The following FBXO16 variants were observed in gnomAD, a reference collection of about 807,000 sequenced individuals.
FBXO16 encodes F-box only protein 16.
Under a neutral mutation model 41.0 loss-of-function variants are expected in FBXO16, and 31 were observed. The ratio of observed to expected loss-of-function variants is 0.76; its 90% CI spans 0.57 to 1.02. The LOEUF (loss-of-function observed/expected upper bound fraction) is 1.02, where lower values mean the gene tolerates loss of function less well. Ranked by LOEUF, FBXO16 falls within the 50% of genes least tolerant of loss-of-function variation. The pLI, the probability that FBXO16 is intolerant of heterozygous loss-of-function variation, is 0.00. For missense variants in FBXO16, 361 were observed against 346.2 expected, an observed-to-expected ratio of 1.04 and a Z score of -0.34; for synonymous variants, 133 against 117.8, an observed-to-expected ratio of 1.13 and a Z score of -0.84.
chr8:28,438,513 C>T (rs1802717815), intron 7 of FBXO16, among the ~76,000 whole-genome samples: 1 of 152,124 alleles, frequency 6.6e-6, no homozygotes, highest in African/African-American at 2.4e-5. Context: ...CACAGCTCAC[C>T]ATCAGATTTC....
chr8:28,429,476 G>A, intron 7 of FBXO16, 73 bp from the exon 8 acceptor site: 1 of 1,550,394 alleles, frequency 6.4e-7, no homozygotes, highest in Non-Finnish European at 8.9e-7. Flanking sequence ...AGCTTGAAGG[G>A]AGAGAGAGTG....
At chr8:28,441,518 C>T (rs1198057206) in intron 7 of FBXO16, among the ~76,000 whole-genome samples, 1 of 152,058 alleles carries the variant, frequency 6.6e-6, no homozygotes. Flanking sequence ...GGTGGATCAC[C>T]TGAGGTCAGG....
chr8:28,481,219 C>T (rs922465786), intron 2 of FBXO16, among the ~76,000 whole-genome samples: 12 of 152,180 alleles, frequency 7.9e-5, no homozygotes, highest in African/African-American at 2.4e-4. Context: ...ATAATAGAAT[C>T]GGAATCTTAG....
chr8:28,464,411 T>A (rs1203793705), intron 3 of FBXO16, among the ~76,000 whole-genome samples: 3 of 152,146 alleles, frequency 2.0e-5, no homozygotes, highest in Non-Finnish European at 2.9e-5. Flanking sequence ...ACTTCACAGT[T>A]TTCCTCAGAG....
chr8:28,483,089 G>C (rs1262208666), intron 2 of FBXO16, among the ~76,000 whole-genome samples: 1 of 152,142 alleles, frequency 6.6e-6, no homozygotes, highest in Admixed American at 6.5e-5. Flanking sequence ...AATGGCGAGT[G>C]GGGTGGGAGA....
At chr8:28,452,534 C>T in intron 5 of FBXO16, 58 bp from the exon 6 acceptor site, 2 of 1,544,080 alleles carry the variant, frequency 1.3e-6, no homozygotes, top group Non-Finnish European at 1.8e-6. Context: ...GGTGCGGTGG[C>T]TCACGCCTGT....
At chr8:28,479,435 T>C (rs945997966) in intron 2 of FBXO16, among the ~76,000 whole-genome samples, 7 of 152,210 alleles carry the variant, frequency 4.6e-5, no homozygotes, top group African/African-American at 1.7e-4. Flanking sequence ...TTTTGCCTCC[T>C]AAGACACTTT....
chr8:28,463,997 G>T (rs1471903580), intron 3 of FBXO16, among the ~76,000 whole-genome samples, 179 bp from the exon 4 acceptor site: 1 of 152,104 alleles, frequency 6.6e-6, no homozygotes, highest in East Asian at 1.9e-4. Flanking sequence ...CATTTATATG[G>T]GAGCATGTGC....
At chr8:28,439,098 A>C (rs1387657341) in intron 7 of FBXO16, among the ~76,000 whole-genome samples, 1 of 148,408 alleles carries the variant, frequency 6.7e-6, no homozygotes, top group Non-Finnish European at 1.5e-5. Context: ...CTGTCTCAAA[A>C]AAAAAAAAAA....
In FBXO16 at chr8:28,478,460, C is replaced by T. The variant is rs182496432; in HGVS notation, c.100-4653G>A. On this transcript the variant is annotated intron_variant, in intron 2 of 8. Coordinates refer to ENST00000380254, the MANE Select transcript of FBXO16 (RefSeq NM_172366.4). ...GTATAAAAACCAGACCCTCTCCCTCCCTTACCCCTTGCCACAATGTAAGAC... is the reference window on the plus strand; with the variant it reads ...GTATAAAAACCAGACCCTCTCCCTCTCTTACCCCTTGCCACAATGTAAGAC... 2.0e-5 allele frequency among the ~76,000 whole-genome samples: 3 copies of T among 152,216 alleles called. No homozygotes were observed. The East Asian group carries it at 5.8e-4, about 29-fold the overall frequency.
At chr8:28,463,170 TTGTG>T (rs964161863) in intron 4 of FBXO16, among the ~76,000 whole-genome samples, 2 of 151,244 alleles carry the variant, frequency 1.3e-5, no homozygotes, top group East Asian at 1.9e-4. Context: ...GTATGTGTGT[TTGTG>T]TGTGTATATG....
At chr8:28,441,529 A>C (rs1802774353) in intron 7 of FBXO16, among the ~76,000 whole-genome samples, 1 of 152,150 alleles carries the variant, frequency 6.6e-6, no homozygotes, top group Non-Finnish European at 1.5e-5. Flanking sequence ...TGAGGTCAGG[A>C]GTTTGAGACC....
chr8:28,472,693 C>T (rs981660147), intron 3 of FBXO16, among the ~76,000 whole-genome samples: 2 of 151,986 alleles, frequency 1.3e-5, no homozygotes, highest in African/African-American at 2.4e-5. Context: ...TGCAGTGATC[C>T]GAGATGGCAC....
intron 1 of FBXO16, among the ~76,000 whole-genome samples, chr8:28,483,671 TAAACAAAC>T (rs201711911): frequency 2.7e-5 from 4 of 148,010 alleles, no homozygotes; most frequent in South Asian, 2.1e-4. Context: ...ATAAATGTAA[TAAACAAAC>T]AAACAAACAA....
rs370556642 is a variant in FBXO16, at chr8:28,489,906, G to A, written c.-17+280C>T. ...CAAATTATTATCAGGAAATTATCAA[G>A]AAATAGCGTATGGGTAGATTTCAAT... On this transcript the variant is annotated intron_variant, in intron 1 of 8. Transcript: ENST00000380254. 2.4e-4 allele frequency among the ~76,000 whole-genome samples: 37 copies of A among 152,316 alleles called. No homozygotes were observed. The South Asian group carries it at 7.5e-3, about 31-fold the overall frequency.
rs192199605 is a variant in FBXO16, at chr8:28,433,767, T to C, written c.844-4364A>G. ...GTGGACTTTGCATGGGGATAGAAAA[T>C]TCCTTTTTTCAGGCTGGATGCCATT... On this transcript the variant is annotated intron_variant, in intron 7 of 8. Coordinates refer to ENST00000380254, the MANE Select transcript of FBXO16 (RefSeq NM_172366.4). Among the ~76,000 whole-genome samples the C allele has an allele frequency of 2.6e-4, 40 of 152,178 alleles. 2 individuals carry two copies. Among genetic ancestry groups the C allele is most frequent in the East Asian group, 2.5e-3 (13 of 5,174 alleles).
At chr8:28,451,969 C>T (rs1215399886) in intron 6 of FBXO16, among the ~76,000 whole-genome samples, 1 of 128,862 alleles carries the variant, frequency 7.8e-6, no homozygotes, top group African/African-American at 3.0e-5. Flanking sequence ...GGGTGAGTGT[C>T]AGAGCAAGAC....
At chr8:28,487,469 A>T (rs1197809277) in intron 1 of FBXO16, among the ~76,000 whole-genome samples, 1 of 139,828 alleles carries the variant, frequency 7.2e-6, no homozygotes, top group Non-Finnish European at 1.5e-5. Context: ...ATCTCGGCTT[A>T]CTGCACCTAC....
At chr8:28,486,382 G>A (rs1803602618) in intron 1 of FBXO16, among the ~76,000 whole-genome samples, 1 of 151,628 alleles carries the variant, frequency 6.6e-6, no homozygotes, top group South Asian at 2.1e-4. Context: ...GAGCCACCAG[G>A]CCCAGCTAAT....
Sources: allele counts gnomAD v4.1 joint callset (sites outside exome capture counted in the v4.1 genomes callset), GRCh38; gene constraint gnomAD v4.1.1; transcripts MANE v1.5; gene names NCBI Gene and HGNC (gene_info 2026-07-23, HGNC 2026-07-21).